The following FREM2 variants were observed in gnomAD, a reference collection of about 807,000 sequenced individuals.
FREM2 encodes the protein FRAS1 related extracellular matrix 2, also known as FRAS1-related extracellular matrix protein 2.
FREM2 carries 119 observed loss-of-function variants against 219.9 expected under a neutral mutation model. That is an observed-to-expected ratio of 0.54 (90% confidence interval 0.47 to 0.63). FREM2 has a LOEUF of 0.63. Among genes scored for constraint, FREM2 ranks in the 30% least tolerant of loss-of-function variants. The pLI, the probability that FREM2 is intolerant of heterozygous loss-of-function variation, is 0.00. For missense variants in FREM2, 4,030 were observed against 3,993.6 expected (o/e 1.01, Z -0.25); for synonymous variants, 1,562 against 1,522.8 (o/e 1.03, Z -0.60).
chr13:38,783,473 T>A (rs1388466354), intron 5 of FREM2, among the ~76,000 whole-genome samples: 155 of 123,944 alleles, frequency 1.3e-3, no homozygotes, highest in East Asian at 6.5e-3. Context: ...GGTTACTATA[T>A]AAAAAAAAAA....
intron 6 of FREM2, among the ~76,000 whole-genome samples, chr13:38,804,960 T>G (rs902559550): frequency 1.3e-5 from 2 of 152,142 alleles, no homozygotes; most frequent in Admixed American, 1.3e-4. Context: ...CCAGCTTTCT[T>G]CTCTAGCCAA....
chr13:38,787,654 G>T (rs1262518209), intron 6 of FREM2, among the ~76,000 whole-genome samples: 1 of 151,720 alleles, frequency 6.6e-6, no homozygotes, highest in Non-Finnish European at 1.5e-5. Context: ...TGTAATGATT[G>T]AGAAATCTAT....
At chr13:38,720,142 C>G (rs964411034) in intron 2 of FREM2, among the ~76,000 whole-genome samples, 2 of 152,136 alleles carry the variant, frequency 1.3e-5, no homozygotes, top group African/African-American at 4.8e-5. Context: ...TGTCATTTGG[C>G]CCACAGCTAG....
chr13:38,811,800 A>G lies in FREM2; in HGVS notation c.6019+26992A>G, dbSNP rs184675388. 5.9e-5 allele frequency among the ~76,000 whole-genome samples: 9 copies of G among 152,282 alleles called. No homozygotes were observed. In the East Asian group the frequency reaches 1.5e-3, roughly 26 times the overall value. ...AGTTGTTGGATAAATGTAAATATCT[A>G]TTAGGTCCATTTGTTCTGTAGTGCA... On this transcript the variant is annotated intron_variant, in intron 6 of 23. Transcript: ENST00000280481.
intron 2 of FREM2, among the ~76,000 whole-genome samples, chr13:38,705,609 AT>A (rs1870507992): frequency 6.6e-6 from 1 of 152,156 alleles, no homozygotes; most frequent in African/African-American, 2.4e-5. Context: ...CCTCAGTTTC[AT>A]TTATAAAGTT....
intron 6 of FREM2, among the ~76,000 whole-genome samples, chr13:38,805,871 T>A (rs2137856629): frequency 6.6e-6 from 1 of 152,038 alleles, no homozygotes; most frequent in South Asian, 2.1e-4. Context: ...CTTTAGGCCC[T>A]TTTAAATAAG....
intron 1 of FREM2, 62 bp downstream of exon 1, chr13:38,692,579 G>A: frequency 1.9e-6 from 3 of 1,565,672 alleles, no homozygotes; most frequent in Non-Finnish European, 2.6e-6. Context: ...TTCACTAAAA[G>A]CCTCACAAAC....
chr13:38,872,834 G>A lies in FREM2; in HGVS notation c.8076G>A (p.Gln2692=). 1 of 1,614,046 alleles carries A rather than the reference G, an allele frequency of 6.2e-7. No homozygotes were observed. The highest frequency in any genetic ancestry group is 8.5e-7 in the Non-Finnish European group (1 of 1,179,928). Residue 2692 remains glutamine, a synonymous_variant, in exon 17 of 24, where the codon CAG becomes CAA. Coordinates refer to ENST00000280481, the MANE Select transcript of FREM2 (RefSeq NM_207361.6). Reference sequence around the variant, plus strand: ...CCCCCGTGGGGGTAGGAGGCTGGCAGCATTTTGACTTGAAGTCAGAGCTTC... The same window carrying A: ...CCCCCGTGGGGGTAGGAGGCTGGCAACATTTTGACTTGAAGTCAGAGCTTC... ...FHSPVGVGGW[Q]HFDLKSELRL...
intron 2 of FREM2, among the ~76,000 whole-genome samples, chr13:38,759,436 A>G (rs1341008037): frequency 7.1e-6 from 1 of 140,874 alleles, no homozygotes; most frequent in African/African-American, 2.5e-5. Flanking sequence ...GGAGTTTGGT[A>G]TTCTTTGTTA....
At chr13:38,840,967 T>C (rs548068823) in intron 6 of FREM2, among the ~76,000 whole-genome samples, 1 of 152,296 alleles carries the variant, frequency 6.6e-6, no homozygotes, top group Non-Finnish European at 1.5e-5. Context: ...CATAAAAATC[T>C]TGTGAAAAAC....
intron 6 of FREM2, among the ~76,000 whole-genome samples, chr13:38,812,421 C>T (rs181034456): frequency 3.9e-5 from 6 of 152,164 alleles, no homozygotes; most frequent in East Asian, 1.9e-4. Flanking sequence ...TCTGTTGGTA[C>T]GCTTTAATGT....
At chr13:38,835,641 TC>T (rs1412316196) in intron 6 of FREM2, among the ~76,000 whole-genome samples, 1 of 152,230 alleles carries the variant, frequency 6.6e-6, no homozygotes, top group Non-Finnish European at 1.5e-5. Flanking sequence ...TTTGTAGTTC[TC>T]CTTGAAGAGG....
At chr13:38,784,462 G>T in intron 5 of FREM2, 95 bp from the exon 6 acceptor site, 1 of 1,383,298 alleles carries the variant, frequency 7.2e-7, no homozygotes, top group Non-Finnish European at 1.0e-6. Context: ...TCTACTAACT[G>T]ACCATTAAAA....
At chr13:38,758,334 A>G (rs1434670440) in intron 2 of FREM2, among the ~76,000 whole-genome samples, 1 of 152,172 alleles carries the variant, frequency 6.6e-6, no homozygotes, top group Non-Finnish European at 1.5e-5. Flanking sequence ...CTTCCCCTCC[A>G]TCTCTCTGAA....
At chr13:38,783,021 G>T in intron 4 of FREM2, 49 bp from the exon 5 acceptor site, 1 of 1,605,370 alleles carries the variant, frequency 6.2e-7, no homozygotes, top group Non-Finnish European at 8.5e-7. Context: ...TGTTTCAGAG[G>T]TAAGAAGCTC....
At chr13:38,713,982 A>G (rs1259366372) in intron 2 of FREM2, among the ~76,000 whole-genome samples, 1 of 152,210 alleles carries the variant, frequency 6.6e-6, no homozygotes, top group Non-Finnish European at 1.5e-5. Context: ...TCAAAGAACT[A>G]TGGAGGCTAC....
At chr13:38,752,922 C>T (rs996610229) in intron 2 of FREM2, among the ~76,000 whole-genome samples, 5 of 152,198 alleles carry the variant, frequency 3.3e-5, no homozygotes, top group African/African-American at 4.8e-5. Context: ...AGAAGTCTGG[C>T]GCCACAAAAG....
intron 2 of FREM2, among the ~76,000 whole-genome samples, chr13:38,706,381 C>T (rs1870540135): frequency 6.6e-6 from 1 of 152,160 alleles, no homozygotes; most frequent in Admixed American, 6.5e-5. Context: ...ATAGTCACCC[C>T]AGTGGCCAGA....
At chr13:38,853,922 C>G (rs1877466873) in intron 11 of FREM2, among the ~76,000 whole-genome samples, 1 of 151,488 alleles carries the variant, frequency 6.6e-6, no homozygotes, top group South Asian at 2.1e-4. Flanking sequence ...TAAACGGAAA[C>G]AAAATTATAG....
Sources: allele counts gnomAD v4.1 joint callset (sites outside exome capture counted in the v4.1 genomes callset), GRCh38; gene constraint gnomAD v4.1.1; transcripts MANE v1.5; gene names NCBI Gene and HGNC (gene_info 2026-07-23, HGNC 2026-07-21).